Variants in SLC7A1 observed in about 807,000 individuals in gnomAD.
The protein encoded by SLC7A1 is solute carrier family 7 member 1, also known as high affinity cationic amino acid transporter 1.
Under a neutral mutation model 53.9 loss-of-function variants are expected in SLC7A1, and 10 were observed. The ratio of observed to expected loss-of-function variants is 0.19; its 90% CI spans 0.11 to 0.31. SLC7A1 has a LOEUF of 0.31. Among genes scored for constraint, SLC7A1 ranks in the 10% least tolerant of loss-of-function variants. The pLI is 1.00. For synonymous variants in SLC7A1, 342 were observed against 338.7 expected (o/e 1.01, Z -0.11); for missense variants, 525 against 827.2 (o/e 0.63, Z 4.48).
intron 1 of SLC7A1, among the ~76,000 whole-genome samples, chr13:29,579,148 A>G (rs947496145): frequency 2.0e-5 from 3 of 152,172 alleles, no homozygotes; most frequent in African/African-American, 7.2e-5. Context: ...TGAAGCCTGT[A>G]TATATTTTGA....
At chr13:29,517,096 G>A (rs959952876) in intron 11 of SLC7A1, 48 bp downstream of exon 11, 8 of 1,513,258 alleles carry the variant, frequency 5.3e-6, no homozygotes, top group Non-Finnish European at 7.1e-6. Flanking sequence ...GCATCAGGAG[G>A]GCCAGGGTCT....
intron 2 of SLC7A1, among the ~76,000 whole-genome samples, chr13:29,540,879 T>C (rs1190815284): frequency 6.6e-6 from 1 of 152,216 alleles, no homozygotes; most frequent in Non-Finnish European, 1.5e-5. Context: ...GGTATTACTA[T>C]TATAGGATAT....
At chr13:29,551,070 G>T (rs368519525) in intron 2 of SLC7A1, among the ~76,000 whole-genome samples, 2 of 152,130 alleles carry the variant, frequency 1.3e-5, no homozygotes, top group Non-Finnish European at 2.9e-5. Context: ...TTAAGTAGCT[G>T]TTATTTCATT....
At chr13:29,532,066 G>A (rs924737577) in intron 4 of SLC7A1, among the ~76,000 whole-genome samples, 6 of 152,168 alleles carry the variant, frequency 3.9e-5, no homozygotes, top group African/African-American at 1.4e-4. Context: ...AAATACTGCT[G>A]AGACCAGCCT....
chr13:29,530,198 A>G (rs1241138676), intron 5 of SLC7A1, among the ~76,000 whole-genome samples: 1 of 152,152 alleles, frequency 6.6e-6, no homozygotes, highest in Non-Finnish European at 1.5e-5. Flanking sequence ...CAAAATTCCA[A>G]AGTTGGCCAT....
rs1337159006 is a variant in SLC7A1, at chr13:29,511,419, G to A, written c.*3061C>T. On this transcript the variant is annotated 3_prime_UTR_variant, in exon 13 of 13. Transcript: ENST00000380752. ...TTTAGCGACCTTTCTGAGACAGCCTGGGGAAAATGCATCTATCACTGTCCT... is the reference window on the plus strand; with the variant it reads ...TTTAGCGACCTTTCTGAGACAGCCTAGGGAAAATGCATCTATCACTGTCCT... The A allele has an allele frequency of 6.6e-6, 1 of 152,226 alleles. No homozygotes were observed. The highest frequency in any genetic ancestry group is 6.5e-5 in the Admixed American group (1 of 15,280). The allele number at this position is 152,226 out of a possible 1,614,324, so 9.4% of individuals were successfully genotyped here. A position where few individuals can be genotyped will look rare whatever the true frequency, so the allele number is the denominator to read the frequency against.
intron 1 of SLC7A1, 64 bp from the exon 2 acceptor site, chr13:29,553,924 G>A (rs1396423035): frequency 6.7e-6 from 1 of 149,234 alleles, no homozygotes; most frequent in Non-Finnish European, 1.5e-5. Context: ...TAAGTCTGTG[G>A]CTGGTACAGT....
intron 5 of SLC7A1, among the ~76,000 whole-genome samples, chr13:29,524,567 C>A (rs528485749): frequency 6.6e-6 from 1 of 152,140 alleles, no homozygotes; most frequent in Non-Finnish European, 1.5e-5. Context: ...GGGGGAGAAA[C>A]CAGCCACGCG....
rs1412450175 is a variant in SLC7A1 at position 29,510,006 on chromosome 13, A to G, written c.*4474T>C. The G allele has an allele frequency of 6.6e-6, 1 of 152,650 alleles. No individual in the cohort carries two copies. Among genetic ancestry groups the G allele is most frequent in the Non-Finnish European group, 1.5e-5 (1 of 68,044 alleles). The allele number at this position is 152,650 out of a possible 1,614,324, so 9.5% of individuals were successfully genotyped here. ...GTCTGTCATCAAGAAACACAAAATC[A>G]TTTGCCTTGTTAATAAATTAACAGT... On this transcript the variant is annotated 3_prime_UTR_variant, in exon 13 of 13. Transcript: ENST00000380752.
intron 1 of SLC7A1, among the ~76,000 whole-genome samples, chr13:29,556,087 C>T (rs1405964575): frequency 6.6e-6 from 1 of 152,164 alleles, no homozygotes; most frequent in Non-Finnish European, 1.5e-5. Context: ...TAAAGTGTTC[C>T]TCCCTTTCTA....
chr13:29,578,989 G>A (rs1176983318), intron 1 of SLC7A1, among the ~76,000 whole-genome samples: 1 of 152,202 alleles, frequency 6.6e-6, no homozygotes, highest in Non-Finnish European at 1.5e-5. Flanking sequence ...AAGAGAAACA[G>A]ATACAAGTGG....
intron 1 of SLC7A1, among the ~76,000 whole-genome samples, chr13:29,588,384 G>A (rs939942530): frequency 2.0e-5 from 3 of 152,190 alleles, no homozygotes; most frequent in African/African-American, 7.2e-5. Flanking sequence ...ATGTGTCTGT[G>A]TGCATGTGAG....
chr13:29,551,645 T>C (rs980798869), intron 2 of SLC7A1, among the ~76,000 whole-genome samples: 3 of 152,182 alleles, frequency 2.0e-5, no homozygotes, highest in Admixed American at 6.5e-5. Flanking sequence ...AATAGTCTGT[T>C]AAGACAGCAG....
chr13:29,560,808 T>C (rs1347461181), intron 1 of SLC7A1, among the ~76,000 whole-genome samples: 4 of 152,118 alleles, frequency 2.6e-5, no homozygotes, highest in East Asian at 1.9e-4. Context: ...CTCATGACTG[T>C]ATATTTACAG....
At chr13:29,541,709 G>C (rs1241252182) in intron 2 of SLC7A1, among the ~76,000 whole-genome samples, 1 of 152,158 alleles carries the variant, frequency 6.6e-6, no homozygotes, top group Non-Finnish European at 1.5e-5. Flanking sequence ...ACATCATTCT[G>C]GATGTTAACA....
intron 1 of SLC7A1, among the ~76,000 whole-genome samples, chr13:29,555,781 C>A (rs1870414408): frequency 6.6e-6 from 1 of 152,132 alleles, no homozygotes; most frequent in African/African-American, 2.4e-5. Flanking sequence ...GTATTCGTCA[C>A]CAAGATGTGG....
At chr13:29,530,432 A>G (rs1372949161) in intron 5 of SLC7A1, 106 bp downstream of exon 5, 14 of 1,011,786 alleles carry the variant, frequency 1.4e-5, no homozygotes, top group Non-Finnish European at 2.1e-5. Context: ...AATATCCTCA[A>G]ATAATGTTTT....
intron 1 of SLC7A1, among the ~76,000 whole-genome samples, chr13:29,589,769 A>G (rs918732590): frequency 1.3e-5 from 2 of 152,064 alleles, no homozygotes; most frequent in Non-Finnish European, 2.9e-5. Context: ...CTATCCCGAG[A>G]CAGGCTGGAG....
intron 9 of SLC7A1, 91 bp from the exon 10 acceptor site, chr13:29,517,881 C>G (rs917032245): frequency 5.4e-6 from 5 of 924,848 alleles, no homozygotes; most frequent in Non-Finnish European, 7.0e-6. Context: ...CCAAAGTGAG[C>G]TGCCCGGGAC....
Sources: allele counts gnomAD v4.1 joint callset (sites outside exome capture counted in the v4.1 genomes callset), GRCh38; gene constraint gnomAD v4.1.1; transcripts MANE v1.5; gene names NCBI Gene and HGNC (gene_info 2026-07-23, HGNC 2026-07-21).